The following OOEP variants were observed in gnomAD, a reference collection of about 807,000 sequenced individuals.
OOEP encodes oocyte expressed protein.
Under a neutral mutation model 13.7 loss-of-function variants are expected in OOEP, and 16 were observed. The observed-to-expected ratio is 1.16, with a 90% CI of 0.79 to 1.77. The LOEUF (loss-of-function observed/expected upper bound fraction) is 1.77. Ranked by LOEUF, OOEP falls within the 40% of genes most tolerant of loss-of-function variation. The pLI is 0.00. For synonymous variants in OOEP, 89 were observed against 77.1 expected, an observed-to-expected ratio of 1.15 and a Z score of -0.81; for missense variants, 195 against 193.1, an observed-to-expected ratio of 1.01 and a Z score of -0.06.
chr6:73,369,563 T>C, intron 1 of OOEP, 40 bp downstream of exon 1: 1 of 1,593,446 alleles, frequency 6.3e-7, no homozygotes, highest in Non-Finnish European at 8.6e-7. Context: ...TCTCTCAGAC[T>C]GGAGGTGGAC....
At chr6:73,372,810 C>T (rs1769076394), upstream of OOEP, among the ~76,000 whole-genome samples, 1 of 152,010 alleles carries the variant, frequency 6.6e-6, no homozygotes, top group Non-Finnish European at 1.5e-5. Flanking sequence ...GGCCTGACGC[C>T]AGCCCGAGAT....
At chr6:73,390,304 A>G (rs1395981089) in intron 2 of OOEP, among the ~76,000 whole-genome samples, 1 of 152,248 alleles carries the variant, frequency 6.6e-6, no homozygotes, top group East Asian at 1.9e-4. Flanking sequence ...TTTATCTTTT[A>G]GAACAATTTT....
At position 73,369,730 on chromosome 6, in the gene OOEP, C is replaced by G. The variant is rs1291196918; in HGVS notation, c.63G>C (p.Leu21=). 1 of 1,614,056 alleles carries G rather than the reference C, an allele frequency of 6.2e-7. No homozygotes were observed. Among genetic ancestry groups the G allele is most frequent in the Admixed American group, 1.7e-5 (1 of 60,034 alleles). ...GAAGTGGTAACCTACGCAGCTGCTC[C>G]AGGGAGTGGGCCGGAGTCTGTTTGC... ...QRGKQTPAHS[L]EQLRRLPLPP... The change falls in exon 1 of 3, where the codon CTG becomes CTC. Residue 21 remains leucine (L), a synonymous_variant. Coordinates refer to ENST00000370359, the MANE Select transcript of OOEP (RefSeq NM_001080507.3).
intron 2 of OOEP, among the ~76,000 whole-genome samples, chr6:73,376,053 T>G (rs1769133766): frequency 6.6e-6 from 1 of 152,086 alleles, no homozygotes; most frequent in African/African-American, 2.4e-5. Flanking sequence ...AAAAGTGTTG[T>G]GATTACAGGT....
In OOEP at chr6:73,369,875, T is replaced by G; in HGVS notation, c.-83A>C. On this transcript the variant is annotated 5_prime_UTR_variant, in exon 1 of 3. Coordinates refer to ENST00000370359, the MANE Select transcript of OOEP (RefSeq NM_001080507.3). ...ACCCAGGCGCGAAGCTCGGGCTCTC[T>G]TTTACCATATTCGACCCGCTCCGCC... 1 of 1,329,030 alleles carries G rather than the reference T, an allele frequency of 7.5e-7. No homozygotes were observed. The highest frequency in any genetic ancestry group is 1.1e-6 in the Non-Finnish European group (1 of 952,272). The allele number at this position is 1,329,030 out of a possible 1,614,324, so 82.3% of individuals were successfully genotyped here. A position where few individuals can be genotyped will look rare whatever the true frequency, so the allele number is the denominator to read the frequency against.
chr6:73,394,933 G>A, exon 1 of OOEP: 1 of 1,614,252 alleles, frequency 6.2e-7, no homozygotes, highest in Non-Finnish European at 8.5e-7. Flanking sequence ...AGCTCCCAAG[G>A]CCTCTACGTG....
upstream of OOEP, chr6:73,395,130 G>C (rs769408064): frequency 1.2e-6 from 2 of 1,613,812 alleles, no homozygotes; most frequent in East Asian, 2.2e-5. Flanking sequence ...TTGCTTTGAA[G>C]AGCCACTTTG....
upstream of OOEP, among the ~76,000 whole-genome samples, chr6:73,372,594 A>G (rs1769073456): frequency 5.3e-5 from 8 of 152,244 alleles, no homozygotes; most frequent in South Asian, 1.7e-3. Context: ...CAGGAGGGCT[A>G]TTGTGCAAGA....
chr6:73,383,854 G>T (rs2150782142), intron 2 of OOEP, among the ~76,000 whole-genome samples: 1 of 152,150 alleles, frequency 6.6e-6, no homozygotes, highest in South Asian at 2.1e-4. Context: ...ATCACACTTT[G>T]GGAGGCTGAG....
Position 73,369,598 on chromosome 6 carries a change from C to T in OOEP, c.190+5G>A. ...CAGCCCACTAGCACACCTGGGGTCGCTCACCAAAGAGCTCGTCTGCCAGCC... is the reference window on the plus strand; with the variant it reads ...CAGCCCACTAGCACACCTGGGGTCGTTCACCAAAGAGCTCGTCTGCCAGCC... On this transcript the variant is annotated splice_donor_5th_base_variant and intron_variant, in intron 1 of 2. Coordinates refer to ENST00000370359, the MANE Select transcript of OOEP (RefSeq NM_001080507.3). The T allele has an allele frequency of 6.2e-7, 1 of 1,612,680 alleles. No individual in the cohort carries two copies. Among genetic ancestry groups the T allele is most frequent in the Non-Finnish European group, 8.5e-7 (1 of 1,178,824 alleles).
At chr6:73,385,216 G>A (rs941766406) in intron 2 of OOEP, among the ~76,000 whole-genome samples, 4 of 151,672 alleles carry the variant, frequency 2.6e-5, no homozygotes, top group Admixed American at 1.3e-4. Context: ...GTGTGGTGGC[G>A]GGTGCCTGTA....
chr6:73,378,827 G>A (rs1769165267), intron 2 of OOEP, among the ~76,000 whole-genome samples: 1 of 150,824 alleles, frequency 6.6e-6, no homozygotes, highest in Non-Finnish European at 1.5e-5. Context: ...TTTCACCACT[G>A]CACTCCAGCC....
At chr6:73,377,403 G>A (rs1769150767) in intron 2 of OOEP, among the ~76,000 whole-genome samples, 1 of 145,764 alleles carries the variant, frequency 6.9e-6, no homozygotes, top group Non-Finnish European at 1.5e-5. Context: ...TCTGCCTCAG[G>A]AGTAGATAAA....
upstream of OOEP, among the ~76,000 whole-genome samples, chr6:73,372,692 C>T (rs1199460798): frequency 6.6e-6 from 1 of 152,124 alleles, no homozygotes; most frequent in African/African-American, 2.4e-5. Context: ...TGGAAGCCAA[C>T]ACCAGAGACT....
At chr6:73,393,989 T>A (rs550595515) in intron 2 of OOEP, among the ~76,000 whole-genome samples, 12 of 152,248 alleles carry the variant, frequency 7.9e-5, no homozygotes, top group Middle Eastern at 3.4e-3. Flanking sequence ...GAAAACCCAA[T>A]CACACTTATG....
chr6:73,389,116 G>A (rs891936428), intron 2 of OOEP, among the ~76,000 whole-genome samples: 1 of 152,200 alleles, frequency 6.6e-6, no homozygotes, highest in Non-Finnish European at 1.5e-5. Context: ...TAGCACCAAT[G>A]CAGACCCGGG....
At chr6:73,376,314 C>G (rs1769136065) in intron 2 of OOEP, among the ~76,000 whole-genome samples, 1 of 145,264 alleles carries the variant, frequency 6.9e-6, no homozygotes, top group Non-Finnish European at 1.5e-5. Context: ...TAATTGACAA[C>G]TCAGTCGCAG....
chr6:73,383,283 GC>G (rs1297468954), intron 2 of OOEP, among the ~76,000 whole-genome samples: 1 of 152,216 alleles, frequency 6.6e-6, no homozygotes, highest in Non-Finnish European at 1.5e-5. Context: ...AGGAGACATA[GC>G]CTTATTTAGT....
rs549666967 is a variant in OOEP, at chr6:73,385,074, T to C, written c.25+9272A>G. On this transcript the variant is annotated intron_variant, in intron 2 of 3. Transcript: ENST00000370363. ...AAAAAAGGCAAATGGAGGCTGGGCG[T>C]GGTGGCTCACGCCTGTAATCCCAGC... Among the ~76,000 whole-genome samples the C allele has an allele frequency of 5.6e-3, 823 of 146,538 alleles. 3 individuals are homozygous for C. The highest frequency in any genetic ancestry group is 8.1e-3 in the Admixed American group (119 of 14,702).
Sources: gnomAD v4.1 joint callset for allele counts (sites outside exome capture counted in the v4.1 genomes callset) on GRCh38, gnomAD v4.1.1 for gene constraint, MANE v1.5 for transcripts, NCBI Gene and HGNC (gene_info 2026-07-23, HGNC 2026-07-21) for gene names.